The following DGKB variants were observed in gnomAD, a reference collection of about 807,000 sequenced individuals.
DGKB encodes the protein diacylglycerol kinase beta.
A neutral mutation model predicts 114.3 loss-of-function variants in DGKB; 67 were observed. The observed-to-expected ratio is 0.59, with a 90% confidence interval of 0.48 to 0.72. The LOEUF is 0.72. DGKB is among the 30% of genes least tolerant of loss of function. The pLI, the probability that DGKB is intolerant of heterozygous loss-of-function variation, is 0.00. For missense variants in DGKB, 907 were observed against 975.2 expected, an observed-to-expected ratio of 0.93 and a Z score of 0.93; for synonymous variants, 398 against 323.1, an observed-to-expected ratio of 1.23 and a Z score of -2.49.
At chr7:14,729,956 G>A (rs1386533568) in intron 5 of DGKB, among the ~76,000 whole-genome samples, 1 of 152,108 alleles carries the variant, frequency 6.6e-6, no homozygotes, top group African/African-American at 2.4e-5. Flanking sequence ...ATTATTTAAA[G>A]GGGGCTAGGA....
chr7:14,386,803 A>G (rs1274905105), intron 21 of DGKB, among the ~76,000 whole-genome samples: 1 of 152,212 alleles, frequency 6.6e-6, no homozygotes, highest in African/African-American at 2.4e-5. Context: ...GGGTGGCAGA[A>G]GGACAAAAGA....
chr7:14,575,053 A>C (rs892878787), intron 19 of DGKB, among the ~76,000 whole-genome samples: 1 of 152,160 alleles, frequency 6.6e-6, no homozygotes, highest in African/African-American at 2.4e-5. Flanking sequence ...TGAGGCCAGG[A>C]GTTCCAGGCT....
chr7:14,958,475 A>ACACACACACACACACC (rs1373524055), intron 1 of DGKB, among the ~76,000 whole-genome samples: 5 of 144,272 alleles, frequency 3.5e-5, no homozygotes, highest in African/African-American at 1.3e-4. Context: ...ACACACACAC[A>ACACACACACACACACC]CCCCGTCCAG....
chr7:14,808,658 A>C (rs1296698885), intron 2 of DGKB, among the ~76,000 whole-genome samples: 1 of 152,092 alleles, frequency 6.6e-6, no homozygotes, highest in East Asian at 1.9e-4. Flanking sequence ...GAATTAAAAC[A>C]CAGGCTGTTA....
chr7:14,602,050 G>T (rs1803645623), intron 17 of DGKB, among the ~76,000 whole-genome samples: 1 of 151,588 alleles, frequency 6.6e-6, no homozygotes, highest in South Asian at 2.1e-4. Flanking sequence ...ACGTTTTTAG[G>T]AATTTGTTAC....
chr7:14,191,701 C>A, intron 23 of DGKB: 1 of 332,148 alleles, frequency 3.0e-6, no homozygotes, highest in South Asian at 3.0e-5. Context: ...GCTTCAATGT[C>A]AAGGATGTGC....
At chr7:14,910,238 CAAAAAAAGAAAG>C (rs1332113219) in intron 1 of DGKB, among the ~76,000 whole-genome samples, 4 of 124,376 alleles carry the variant, frequency 3.2e-5, no homozygotes, top group East Asian at 2.4e-4. Context: ...GAGACTCCAT[CAAAAAAAGAAAG>C]AAAGAAAGAA....
chr7:14,549,757 G>A (rs886729199), intron 20 of DGKB, among the ~76,000 whole-genome samples: 43 of 152,292 alleles, frequency 2.8e-4, no homozygotes, highest in Non-Finnish European at 4.9e-4. Flanking sequence ...GGGAGGCCAA[G>A]GTGGGTGGAT....
chr7:14,760,487 T>C (rs1835527170), intron 2 of DGKB, among the ~76,000 whole-genome samples: 1 of 152,168 alleles, frequency 6.6e-6, no homozygotes, highest in African/African-American at 2.4e-5. Flanking sequence ...GACATGAAGC[T>C]GACCCCTTAT....
intron 2 of DGKB, among the ~76,000 whole-genome samples, chr7:14,802,607 T>C (rs1370794656): frequency 6.6e-6 from 1 of 152,158 alleles, no homozygotes; most frequent in Non-Finnish European, 1.5e-5. Context: ...GAAATTATCA[T>C]CCTATTAGAA....
intron 20 of DGKB, among the ~76,000 whole-genome samples, chr7:14,486,985 C>A (rs367647879): frequency 7.9e-4 from 120 of 152,148 alleles, no homozygotes; most frequent in African/African-American, 2.7e-3. Context: ...AAAGATTAAT[C>A]TTTTGTCTTA....
At chr7:14,466,657 A>C (rs199809580) in intron 21 of DGKB, among the ~76,000 whole-genome samples, 2 of 131,020 alleles carry the variant, frequency 1.5e-5, no homozygotes, top group South Asian at 5.2e-4. Flanking sequence ...AAAAAAAAAA[A>C]AAACACAAAA....
At chr7:14,870,137 C>A (rs1302019978) in intron 1 of DGKB, among the ~76,000 whole-genome samples, 1 of 152,060 alleles carries the variant, frequency 6.6e-6, no homozygotes, top group Non-Finnish European at 1.5e-5. Context: ...CCTTTCTAAA[C>A]CTAACTGCAG....
At chr7:14,206,500 G>C (rs374678305) in intron 23 of DGKB, among the ~76,000 whole-genome samples, 1 of 152,010 alleles carries the variant, frequency 6.6e-6, no homozygotes, top group East Asian at 1.9e-4. Context: ...GGGCATGTGG[G>C]AGAAAAGGCA....
chr7:14,938,812 C>A (rs1785407108), intron 1 of DGKB, among the ~76,000 whole-genome samples: 1 of 152,094 alleles, frequency 6.6e-6, no homozygotes, highest in African/African-American at 2.4e-5. Context: ...AAAAATTATT[C>A]TTCATTTCCA....
intron 21 of DGKB, among the ~76,000 whole-genome samples, chr7:14,403,189 T>C (rs894875343): frequency 7.9e-5 from 12 of 151,740 alleles, no homozygotes; most frequent in Admixed American, 7.9e-4. Context: ...CTCCCATAAA[T>C]TGAACACAGA....
chr7:14,201,480 C>T (rs1259378144), intron 23 of DGKB, among the ~76,000 whole-genome samples: 1 of 151,886 alleles, frequency 6.6e-6, no homozygotes, highest in African/African-American at 2.4e-5. Flanking sequence ...TGACCAGGTG[C>T]ATGAGAGTGA....
At chr7:14,930,375 T>A (rs2128250583) in intron 1 of DGKB, among the ~76,000 whole-genome samples, 1 of 152,318 alleles carries the variant, frequency 6.6e-6, no homozygotes, top group Non-Finnish European at 1.5e-5. Context: ...GGTTGTGTAA[T>A]CCATAATTCT....
intron 12 of DGKB, among the ~76,000 whole-genome samples, chr7:14,680,892 G>C (rs115651149): frequency 3.2e-4 from 48 of 151,942 alleles, no homozygotes; most frequent in African/African-American, 1.0e-3. Context: ...AACTAAAAAA[G>C]AAAATATGAA....
Sources: gnomAD v4.1 joint callset for allele counts (sites outside exome capture counted in the v4.1 genomes callset) on GRCh38, gnomAD v4.1.1 for gene constraint, MANE v1.5 for transcripts, NCBI Gene and HGNC (gene_info 2026-07-23, HGNC 2026-07-21) for gene names.